The following THSD7B variants were observed in gnomAD, a reference collection of about 807,000 sequenced individuals.
THSD7B encodes the protein thrombospondin type 1 domain containing 7B, also known as thrombospondin type-1 domain-containing protein 7B.
Under a neutral mutation model 213.6 loss-of-function variants are expected in THSD7B, and 138 were observed. The observed-to-expected ratio is 0.65, with a 90% confidence interval of 0.56 to 0.74. The LOEUF (loss-of-function observed/expected upper bound fraction) is 0.74, where lower values mean the gene tolerates loss of function less well. Ranked by LOEUF, THSD7B falls within the 30% of genes least tolerant of loss-of-function variation. The pLI is 0.00. For missense variants in THSD7B, 1,931 were observed against 1,991.5 expected (o/e 0.97, Z 0.58); for synonymous variants, 742 against 687.0 (o/e 1.08, Z -1.25).
chr2:137,605,471 AC>A (rs1682155060), intron 17 of THSD7B, among the ~76,000 whole-genome samples: 1 of 152,054 alleles, frequency 6.6e-6, no homozygotes, highest in South Asian at 2.1e-4. Context: ...AATATTAACT[AC>A]CTGCTATGTA....
intron 4 of THSD7B, among the ~76,000 whole-genome samples, chr2:137,107,757 G>C (rs146172405): frequency 6.6e-5 from 10 of 152,074 alleles, no homozygotes; most frequent in African/African-American, 2.2e-4. Flanking sequence ...GAAAGTTAAC[G>C]TACTGCTAAG....
At chr2:137,247,026 A>G (rs578145204) in intron 10 of THSD7B, among the ~76,000 whole-genome samples, 1 of 152,272 alleles carries the variant, frequency 6.6e-6, no homozygotes, top group East Asian at 1.9e-4. Flanking sequence ...CACTCATTTA[A>G]TGCCTAATAT....
intron 12 of THSD7B, among the ~76,000 whole-genome samples, chr2:137,289,168 TG>T (rs1451222290): frequency 6.6e-6 from 1 of 152,044 alleles, no homozygotes; most frequent in African/African-American, 2.4e-5. Flanking sequence ...TTACAAGACA[TG>T]TTTTTTTTAA....
chr2:137,084,053 C>G (rs1265184273), intron 3 of THSD7B, among the ~76,000 whole-genome samples: 1 of 151,984 alleles, frequency 6.6e-6, no homozygotes, highest in Non-Finnish European at 1.5e-5. Flanking sequence ...AGGGACTTTA[C>G]TCTTATGTTA....
rs368265452 is a variant in THSD7B, at chr2:137,655,588, G to A, written c.4033G>A (p.Glu1345Lys). 7.2e-5 allele frequency: 116 copies of A among 1,612,594 alleles called. No homozygotes were observed. Among genetic ancestry groups the A allele is most frequent in the Admixed American group, 2.5e-4 (15 of 59,846 alleles). The change falls in exon 22 of 28, where the codon GAG (glutamate) becomes AAG (lysine). Residue 1345 changes from glutamate (E) to lysine (K), a missense_variant. Coordinates refer to ENST00000409968, the MANE Select transcript of THSD7B (RefSeq NM_001316349.2). ...GSISHAAGRV[E>K]DALCGEMPFQ... The stretch of plus-strand genomic sequence containing the variant: ...AATATCTCATGCAGCTGGACGTGTC[G>A]AGGATGCACTGTGTGGAGAAATGCC...
chr2:137,247,879 T>A (rs985238105), intron 10 of THSD7B, among the ~76,000 whole-genome samples: 3 of 152,220 alleles, frequency 2.0e-5, no homozygotes, highest in African/African-American at 7.2e-5. Context: ...TTAAACTTGC[T>A]GTGTTTCAAT....
At chr2:137,547,844 G>T (rs1254836852) in intron 15 of THSD7B, among the ~76,000 whole-genome samples, 1 of 151,960 alleles carries the variant, frequency 6.6e-6, no homozygotes, top group Non-Finnish European at 1.5e-5. Flanking sequence ...TGCTGATTAA[G>T]AGATGGTAGC....
intron 7 of THSD7B, among the ~76,000 whole-genome samples, chr2:137,178,069 CAAAAAAAAAAA>C: frequency 1.7e-5 from 1 of 57,524 alleles, no homozygotes; most frequent in East Asian, 5.4e-4. Context: ...AACTCCGTCT[CAAAAAAAAAAA>C]AAAAAAAAAA....
In THSD7B at chr2:136,882,276, A is replaced by T. The variant is rs1248661508; in HGVS notation, c.98A>T (p.His33Leu). The change falls in exon 2 of 28, where the codon CAT (histidine) becomes CTT (leucine). Residue 33 changes from histidine (H) to leucine (L), a missense_variant. His to Leu is a moderately conservative substitution (Grantham distance 99, BLOSUM62 -3). Coordinates refer to ENST00000409968, the MANE Select transcript of THSD7B (RefSeq NM_001316349.2). ...LLSLLLSHAA[H>L]LEGKKDNQFI... ...TCTCTCTTGCTGTCCCATGCAGCTCATTTGGAAGGCAAAAAGGATAATCAG... is the reference window on the plus strand; with the variant it reads ...TCTCTCTTGCTGTCCCATGCAGCTCTTTTGGAAGGCAAAAAGGATAATCAG... 2 of 1,544,536 alleles carry T rather than the reference A, an allele frequency of 1.3e-6. No homozygotes were observed. Among genetic ancestry groups the T allele is most frequent in the Non-Finnish European group, 1.7e-6 (2 of 1,144,372 alleles).
intron 15 of THSD7B, among the ~76,000 whole-genome samples, chr2:137,561,959 A>G (rs186798178): frequency 5.9e-5 from 9 of 152,274 alleles, no homozygotes; most frequent in Admixed American, 5.2e-4. Context: ...TGAGACAGCC[A>G]AGTAGAACCA....
rs1042789356 is a variant in THSD7B, at chr2:137,539,674, G to A, written c.3139-23547G>A. Among the ~76,000 whole-genome samples the A allele has an allele frequency of 3.1e-4, 47 of 151,658 alleles. No homozygotes were observed. The Middle Eastern group carries it at 0.024, about 77-fold the overall frequency. On this transcript the variant is annotated intron_variant, in intron 15 of 27. Coordinates refer to ENST00000409968, the MANE Select transcript of THSD7B (RefSeq NM_001316349.2). ...TCCAAGATTGTTATAATGATTTGTC[G>A]AGATGAATACTTAGAGTCCTATAGA...
At chr2:137,399,786 G>T (rs1347949355) in intron 12 of THSD7B, among the ~76,000 whole-genome samples, 3 of 151,908 alleles carry the variant, frequency 2.0e-5, no homozygotes, top group Non-Finnish European at 4.4e-5. Flanking sequence ...CTTAAATAAG[G>T]TTTCTAAACT....
chr2:136,966,473 T>G (rs1365929464), intron 2 of THSD7B, among the ~76,000 whole-genome samples: 2 of 152,198 alleles, frequency 1.3e-5, no homozygotes, highest in Non-Finnish European at 2.9e-5. Context: ...CAGCTCAGCC[T>G]CCAAAAGTGC....
intron 12 of THSD7B, among the ~76,000 whole-genome samples, chr2:137,398,830 G>C (rs1406781943): frequency 6.6e-6 from 1 of 152,224 alleles, no homozygotes; most frequent in Non-Finnish European, 1.5e-5. Context: ...CGTGGGCGTA[G>C]GACCCTCCAA....
chr2:137,352,208 T>C (rs1685030311), intron 12 of THSD7B, among the ~76,000 whole-genome samples: 2 of 151,780 alleles, frequency 1.3e-5, no homozygotes, highest in Non-Finnish European at 2.9e-5. Context: ...AAAAAAATTT[T>C]CATGTAATTA....
chr2:136,996,474 T>C (rs544218149), intron 2 of THSD7B, among the ~76,000 whole-genome samples: 221 of 152,162 alleles, frequency 1.5e-3, no homozygotes, highest in African/African-American at 5.2e-3. Context: ...CTGGAGTAGA[T>C]GGCACTACAG....
intron 1 of THSD7B, among the ~76,000 whole-genome samples, chr2:136,876,990 C>G (rs1652442): frequency 0.86 from 130,638 of 152,060 alleles, 56,495 homozygotes; most frequent in Non-Finnish European, 0.91. Context: ...TCTGGAGAGG[C>G]AGAGGAAGGG....
At chr2:136,804,400 CATA>C (rs1386872083) in intron 1 of THSD7B, among the ~76,000 whole-genome samples, 1 of 90,494 alleles carries the variant, frequency 1.1e-5, no homozygotes, top group Non-Finnish European at 2.2e-5. Flanking sequence ...TACACACACA[CATA>C]ACACACACAC....
chr2:136,842,937 G>A (rs1682940196), intron 1 of THSD7B, among the ~76,000 whole-genome samples: 1 of 152,212 alleles, frequency 6.6e-6, no homozygotes, highest in East Asian at 1.9e-4. Context: ...TACTTTAATT[G>A]TTCAATAAAT....
Sources: allele counts gnomAD v4.1 joint callset (sites outside exome capture counted in the v4.1 genomes callset), GRCh38; gene constraint gnomAD v4.1.1; transcripts MANE v1.5; gene names NCBI Gene and HGNC (gene_info 2026-07-23, HGNC 2026-07-21).